The following MROH9 variants were observed in gnomAD, a reference collection of about 807,000 sequenced individuals.
The protein encoded by MROH9 is maestro heat like repeat family member 9.
In MROH9, 92 loss-of-function variants were observed where a neutral mutation model predicts 98.2. That is an observed-to-expected ratio of 0.94 (90% CI 0.79 to 1.11). The LOEUF (loss-of-function observed/expected upper bound fraction) is 1.11, where lower values mean the gene tolerates loss of function less well. Ranked by LOEUF, MROH9 falls within the 50% of genes most tolerant of loss-of-function variation. The pLI is 0.00. For missense variants in MROH9, 1,057 were observed against 1,014.8 expected (o/e 1.04, Z -0.57); for synonymous variants, 397 against 368.9 (o/e 1.08, Z -0.87).
chr1:171,016,305 T>C lies in MROH9; in HGVS notation c.1877T>C (p.Ile626Thr), dbSNP rs1326770947. Reference protein sequence around the residue: ...DKVTYSLGTRIGSSYCTLMDH... With the variant: ...DKVTYSLGTRTGSSYCTLMDH... ...GTGACCTACTCTTTGGGTACCAGAA[T>C]TGGTTCCAGCTACTGTACTCTGATG... Residue 626 changes from isoleucine (I) to threonine (T), a missense_variant, in exon 17 of 22, where the codon ATT (isoleucine) becomes ACT (threonine). Ile to Thr is a moderately conservative substitution (Grantham distance 89). Coordinates refer to ENST00000367759, the MANE Select transcript of MROH9 (RefSeq NM_001163629.2). 1.3e-6 allele frequency: 2 copies of C among 1,534,784 alleles called. No individual in the cohort carries two copies. The highest frequency in any genetic ancestry group is 2.1e-5 in the Admixed American group (1 of 48,524).
chr1:170,975,899 T>C (rs1382439328), intron 8 of MROH9, among the ~76,000 whole-genome samples: 1 of 152,228 alleles, frequency 6.6e-6, no homozygotes, highest in African/African-American at 2.4e-5. Context: ...TCATCATTTA[T>C]GTAAATGCCC....
At position 171,008,603 on chromosome 1, in the gene MROH9, C is replaced by T. The variant is rs539178853; in HGVS notation, c.1597-5514C>T. Among the ~76,000 whole-genome samples the T allele has an allele frequency of 5.1e-4, 77 of 152,244 alleles. No homozygotes were observed. In the South Asian group the frequency reaches 0.015, roughly 30 times the overall value. ...CCACACAGATTTTAATACTATGTTGCCATAAAAATGAATGAGAAGCCACAC... is the reference window on the plus strand; with the variant it reads ...CCACACAGATTTTAATACTATGTTGTCATAAAAATGAATGAGAAGCCACAC... On this transcript the variant is annotated intron_variant, in intron 15 of 21. Transcript: ENST00000367759.
Position 170,947,160 on chromosome 1 carries a change from C to A in MROH9, c.26-367C>A, listed in dbSNP as rs138255052. Among the ~76,000 whole-genome samples the A allele has an allele frequency of 2.4e-3, 366 of 151,968 alleles. 1 individual carries two copies. Among genetic ancestry groups the A allele is most frequent in the African/African-American group, 8.2e-3 (342 of 41,498 alleles). ...TTTTATTTAAAAATGTTATCAAGTT[C>A]ATATTTAAAATCTTATAAATTTGGA... On this transcript the variant is annotated intron_variant, in intron 2 of 21. Coordinates refer to ENST00000367759, the MANE Select transcript of MROH9 (RefSeq NM_001163629.2).
intron 3 of MROH9, among the ~76,000 whole-genome samples, chr1:170,952,823 C>T (rs1327559161): frequency 2.0e-5 from 3 of 151,702 alleles, no homozygotes; most frequent in African/African-American, 7.3e-5. Context: ...ATGGCAGAGG[C>T]AGCAGCAGCA....
intron 3 of MROH9, among the ~76,000 whole-genome samples, chr1:170,951,768 TA>T (rs1321461864): frequency 6.6e-6 from 1 of 152,088 alleles, no homozygotes; most frequent in Non-Finnish European, 1.5e-5. Flanking sequence ...CTAAGTCCTA[TA>T]AAGACAGGGC....
rs1438603032 is a variant in MROH9 at position 170,945,434 on chromosome 1, A to G, written c.-37-86A>G. The G allele has an allele frequency of 3.0e-5, 25 of 826,830 alleles. No homozygotes were observed. The East Asian group carries it at 6.3e-4, about 21-fold the overall frequency. The allele number at this position is 826,830 out of a possible 1,614,324, so 51.2% of individuals were successfully genotyped here. ...AATTAACACAATCCACATACTGTAT[A>G]TCATAGTACCATCCATATTGATAGA... is the stretch of plus-strand genomic sequence containing the variant. On this transcript the variant is annotated intron_variant, in intron 1 of 21. Coordinates refer to ENST00000367759, the MANE Select transcript of MROH9 (RefSeq NM_001163629.2).
chr1:171,018,273 GC>G (rs1557900247), intron 17 of MROH9, among the ~76,000 whole-genome samples: 1 of 151,870 alleles, frequency 6.6e-6, no homozygotes, highest in African/African-American at 2.4e-5. Flanking sequence ...CCTAAAGTGA[GC>G]CCCCAGAAAA....
At chr1:171,009,624 C>T (rs4609489) in intron 15 of MROH9, among the ~76,000 whole-genome samples, 1,738 of 152,274 alleles carry the variant, frequency 0.011, 15 homozygotes, top group African/African-American at 0.021. Flanking sequence ...TATAAACTCA[C>T]GATTTAAAGA....
At chr1:170,987,610 T>C (rs1479143382) in intron 10 of MROH9, among the ~76,000 whole-genome samples, 1 of 152,198 alleles carries the variant, frequency 6.6e-6, no homozygotes, top group African/African-American at 2.4e-5. Flanking sequence ...ATACATATAT[T>C]GTGCAATGCC....
intron 20 of MROH9, among the ~76,000 whole-genome samples, chr1:171,041,408 TACACACACACAC>T (rs137951871): frequency 9.7e-6 from 1 of 103,040 alleles, no homozygotes; most frequent in Non-Finnish European, 2.0e-5. Flanking sequence ...TCAAGATACA[TACACACACACAC>T]ACACACACAC....
At chr1:171,052,328 C>T (rs1022944386) in intron 20 of MROH9, among the ~76,000 whole-genome samples, 4 of 152,164 alleles carry the variant, frequency 2.6e-5, no homozygotes, top group African/African-American at 9.7e-5. Flanking sequence ...CAGGCAGGCC[C>T]ATCCGTGGCC....
intron 14 of MROH9, among the ~76,000 whole-genome samples, chr1:170,997,120 A>G (rs1002652663): frequency 1.2e-4 from 19 of 152,196 alleles, no homozygotes; most frequent in African/African-American, 3.9e-4. Context: ...TTTAGTGAAC[A>G]GCAAGTTTCT....
rs137899938 is a variant in MROH9, at chr1:170,951,882, G to T, written c.72+4309G>T. ...TGAGAGCACCTTTTGTGCAGAAGCTGGCTCTTTTGCTAATGGGTTACAGCA... is the reference window on the plus strand; with the variant it reads ...TGAGAGCACCTTTTGTGCAGAAGCTTGCTCTTTTGCTAATGGGTTACAGCA... On this transcript the variant is annotated intron_variant, in intron 3 of 21. Coordinates refer to ENST00000367759, the MANE Select transcript of MROH9 (RefSeq NM_001163629.2). Among the ~76,000 whole-genome samples, 733 of 152,222 alleles carry T rather than the reference G, an allele frequency of 4.8e-3. 5 individuals are homozygous for T. Among genetic ancestry groups the T allele is most frequent in the Non-Finnish European group, 6.4e-3 (432 of 68,006 alleles).
intron 15 of MROH9, among the ~76,000 whole-genome samples, chr1:171,004,420 C>G (rs1378508501): frequency 7.9e-6 from 1 of 126,492 alleles, no homozygotes; most frequent in East Asian, 1.9e-4. Flanking sequence ...CTCCCAGGGC[C>G]TTTCTGCTGC....
intron 6 of MROH9, among the ~76,000 whole-genome samples, chr1:170,964,194 C>T (rs911351693): frequency 6.6e-6 from 1 of 151,802 alleles, no homozygotes; most frequent in Non-Finnish European, 1.5e-5. Context: ...AAAATGAAAA[C>T]GGAGAAAGGA....
At position 171,024,456 on chromosome 1, in the gene MROH9, G is replaced by C. The variant is rs1462864124; in HGVS notation, c.1970G>C (p.Arg657Thr). The C allele has an allele frequency of 2.6e-6, 4 of 1,551,220 alleles. No individual in the cohort carries two copies. The highest frequency in any genetic ancestry group is 3.5e-6 in the Non-Finnish European group (4 of 1,146,854). ...RHFGQLVRDM[R>T]QYTWMVNDVV... The stretch of plus-strand genomic sequence containing the variant: ...TTTGGTCAATTAGTTAGGGATATGA[G>C]ACAGTACACATGGATGGTGAATGAT... Residue 657 changes from arginine (R) to threonine (T), a missense_variant, in exon 18 of 22, where the codon AGA becomes ACA. By Grantham distance (71) the Arg-to-Thr change is moderately conservative. Coordinates refer to ENST00000367759, the MANE Select transcript of MROH9 (RefSeq NM_001163629.2).
At chr1:170,964,274 T>C (rs959431016) in intron 6 of MROH9, among the ~76,000 whole-genome samples, 7 of 152,058 alleles carry the variant, frequency 4.6e-5, no homozygotes, top group Admixed American at 3.9e-4. Context: ...TTAACCACTT[T>C]GTTCTTATAC....
intron 3 of MROH9, among the ~76,000 whole-genome samples, chr1:170,955,144 A>G (rs1649711212): frequency 6.6e-6 from 1 of 151,984 alleles, no homozygotes. Context: ...CTGTTAATTC[A>G]TTTCTTTTTA....
intron 20 of MROH9, among the ~76,000 whole-genome samples, chr1:171,048,090 TGCACTGGGTCGACCTGAAGCCAGTACA>T (rs1557913188): frequency 6.6e-6 from 1 of 152,186 alleles, no homozygotes; most frequent in Non-Finnish European, 1.5e-5. Context: ...CCACTCTGAC[TGCACTGGGTCGACCTGAAGCCAGTACA>T]GCACTGAGTC....
Sources: allele counts gnomAD v4.1 joint callset (sites outside exome capture counted in the v4.1 genomes callset), GRCh38; gene constraint gnomAD v4.1.1; transcripts MANE v1.5; gene names NCBI Gene and HGNC (gene_info 2026-07-23, HGNC 2026-07-21).